The following KIN variants were observed in gnomAD, a reference collection of about 807,000 sequenced individuals.
KIN encodes DNA/RNA-binding protein KIN17.
A neutral mutation model predicts 63.0 loss-of-function variants in KIN; 47 were observed. That is an observed-to-expected ratio of 0.75 (90% confidence interval 0.59 to 0.95). The LOEUF is 0.95. Ranked by LOEUF, KIN falls within the 40% of genes least tolerant of loss-of-function variation. The pLI is 0.00. For missense variants in KIN, 408 were observed against 460.9 expected (o/e 0.89, Z 1.05); for synonymous variants, 160 against 157.7 (o/e 1.01, Z -0.11).
chr10:7,765,552 T>G (rs1042726716), intron 9 of KIN, among the ~76,000 whole-genome samples: 1 of 152,238 alleles, frequency 6.6e-6, no homozygotes, highest in African/African-American at 2.4e-5. Flanking sequence ...GTTTAAAAAC[T>G]ATTTTTAAAT....
chr10:7,755,940 C>CGACT lies in KIN; in HGVS notation c.*139_*140insAGTC. ...AAATTCTTCTCAAAGTTTAGCTGAA[C>CGACT]AACTATACAGTAATATTTTCAAAAA... On this transcript the variant is annotated 3_prime_UTR_variant, in exon 13 of 13. Coordinates refer to ENST00000379562, the MANE Select transcript of KIN (RefSeq NM_012311.4). The CGACT allele has an allele frequency of 2.0e-6, 1 of 501,040 alleles. No individual in the cohort carries two copies. 31.0% of individuals were successfully genotyped at this position (501,040 alleles called of 1,614,324 possible). A position where few individuals can be genotyped will look rare whatever the true frequency, so the allele number is the denominator to read the frequency against.
rs754863631 is a variant in KIN, at chr10:7,787,886, G to A, written c.48C>T (p.Ile16=). 1.2e-5 allele frequency: 19 copies of A among 1,614,106 alleles called. No individual in the cohort carries two copies. The South Asian group carries it at 1.8e-4, about 15-fold the overall frequency. Residue 16 remains isoleucine, a synonymous_variant, in exon 1 of 13, where the codon ATC becomes ATT. Transcript: ENST00000379562. ...FLTPKAIANR[I]KSKGLQKLRW... ...GTAGCTTCTGCAGCCCCTTGGACTT[G>A]ATCCTGTTGGCGATAGCCTTGGGAG...
chr10:7,783,281 T>C, intron 1 of KIN, 106 bp from the exon 2 acceptor site: 1 of 501,310 alleles, frequency 2.0e-6, no homozygotes, highest in Non-Finnish European at 3.4e-6. Flanking sequence ...GATGATAAAT[T>C]AAAATATAAT....
At chr10:7,760,208 T>A (rs1168876360) in intron 11 of KIN, among the ~76,000 whole-genome samples, 1 of 152,178 alleles carries the variant, frequency 6.6e-6, no homozygotes, top group Non-Finnish European at 1.5e-5. Flanking sequence ...TTTCCCCCAA[T>A]TATTTGTTAA....
In KIN at chr10:7,762,524, C is replaced by T; in HGVS notation, c.951G>A (p.Lys317=). The T allele has an allele frequency of 6.2e-7, 1 of 1,610,592 alleles. No homozygotes were observed. The highest frequency in any genetic ancestry group is 8.5e-7 in the Non-Finnish European group (1 of 1,177,704). Residue 317 remains lysine (K), a synonymous_variant, in exon 11 of 13, where the codon AAG becomes AAA. Transcript: ENST00000379562. The part of the protein sequence containing the change: ...EVIDKYTAVV[K]MIDSGDKLKL... ...TCAGCTTGTCTCCAGAATCAATCAT[C>T]TTCACAACAGCTGTATATTTGTCAA... is the stretch of plus-strand genomic sequence containing the variant.
chr10:7,787,546 C>T (rs568183659), intron 1 of KIN, among the ~76,000 whole-genome samples: 2 of 152,318 alleles, frequency 1.3e-5, no homozygotes, highest in East Asian at 3.9e-4. Context: ...GTGAGGGGTG[C>T]AAAACCTTTT....
intron 2 of KIN, among the ~76,000 whole-genome samples, chr10:7,782,136 T>C (rs1033558294): frequency 6.6e-6 from 1 of 152,178 alleles, no homozygotes; most frequent in East Asian, 1.9e-4. Flanking sequence ...TGTTGATACA[T>C]CTAACCCACA....
Position 7,760,094 on chromosome 10 carries a change from CA to C in KIN, c.1019-105del, listed in dbSNP as rs1835410874. The C allele has an allele frequency of 7.2e-6, 4 of 556,080 alleles. No homozygotes were observed. In the East Asian group the frequency reaches 1.3e-4, roughly 18 times the overall value. 34.4% of individuals were successfully genotyped at this position (556,080 alleles called of 1,614,324 possible). A position where few individuals can be genotyped will look rare whatever the true frequency, so the allele number is the denominator to read the frequency against. ...TACACTGAATAAACATAATAAAAAA[CA>C]AAACCCTTTTTCTTAGAAGTTCTCA... On this transcript the variant is annotated intron_variant, in intron 11 of 12. Transcript: ENST00000379562.
rs150015350 is a variant in KIN at position 7,751,159 on chromosome 10, C to T, written c.*4921G>A. The T allele has an allele frequency of 1.4e-4, 21 of 152,284 alleles. No homozygotes were observed. In the East Asian group the frequency reaches 3.5e-3, roughly 25 times the overall value. 9.4% of individuals were successfully genotyped at this position (152,284 alleles called of 1,614,324 possible). On this transcript the variant is annotated 3_prime_UTR_variant, in exon 13 of 13. Coordinates refer to ENST00000379562, the MANE Select transcript of KIN (RefSeq NM_012311.4). ...TGAACCAGTGTAATTCTGTGCTTTG[C>T]TGTGTTTACAACTTTCCTTAAAAAA...
At chr10:7,766,806 G>A (rs1004128919) in intron 8 of KIN, among the ~76,000 whole-genome samples, 1 of 151,964 alleles carries the variant, frequency 6.6e-6, no homozygotes, top group Non-Finnish European at 1.5e-5. Flanking sequence ...GGCGGATCAC[G>A]AGGTCAGGAG....
At chr10:7,762,424 C>T (rs1400596043) in intron 11 of KIN, 33 bp downstream of exon 11, 2 of 1,187,928 alleles carry the variant, frequency 1.7e-6, no homozygotes, top group Non-Finnish European at 2.5e-6. Flanking sequence ...ATTTTGATGG[C>T]ATATGTATTA....
intron 12 of KIN, among the ~76,000 whole-genome samples, chr10:7,757,896 G>C (rs1835362824): frequency 6.6e-6 from 1 of 152,050 alleles, no homozygotes. Context: ...TTAAAAATCT[G>C]CTTGATATAT....
In KIN at chr10:7,755,641, G is replaced by A. The variant is rs1218078071; in HGVS notation, c.*439C>T. On this transcript the variant is annotated 3_prime_UTR_variant, in exon 13 of 13. Coordinates refer to ENST00000379562, the MANE Select transcript of KIN (RefSeq NM_012311.4). ...TATATTTTAAATGAGTGAACTGTAT[G>A]GTATATGAATTATTACCACAATAAA... The A allele has an allele frequency of 6.6e-6, 1 of 152,434 alleles. No individual in the cohort carries two copies. The highest frequency in any genetic ancestry group is 1.5e-5 in the Non-Finnish European group (1 of 68,278). The allele number at this position is 152,434 out of a possible 1,614,324, so 9.4% of individuals were successfully genotyped here.
At chr10:7,774,162 T>C (rs1588480628) in intron 7 of KIN, among the ~76,000 whole-genome samples, 1 of 152,358 alleles carries the variant, frequency 6.6e-6, no homozygotes, top group Non-Finnish European at 1.5e-5. Context: ...ATTTACTATG[T>C]GGCTCTTTAC....
rs1835256828 is a variant in KIN, at chr10:7,752,297, A to C, written c.*3783T>G. On this transcript the variant is annotated 3_prime_UTR_variant, in exon 13 of 13. Transcript: ENST00000379562. ...AGACATCTCACCAGAGAAGATATAC[A>C]GGTGGCAAATAAGCCCATGAAAAGA... The C allele has an allele frequency of 6.6e-6, 1 of 152,254 alleles. No homozygotes were observed. Among genetic ancestry groups the C allele is most frequent in the African/African-American group, 2.4e-5 (1 of 41,470 alleles). The allele number at this position is 152,254 out of a possible 1,614,324, so 9.4% of individuals were successfully genotyped here. A position where few individuals can be genotyped will look rare whatever the true frequency, so the allele number is the denominator to read the frequency against.
In KIN at chr10:7,756,105, T is replaced by C. The variant is rs754780198; in HGVS notation, c.1157A>G (p.Tyr386Cys). 6.0e-5 allele frequency: 95 copies of C among 1,590,822 alleles called. No homozygotes were observed. The highest frequency in any genetic ancestry group is 7.8e-5 in the Non-Finnish European group (91 of 1,168,264). Residue 386 changes from tyrosine to cysteine, a missense_variant, in exon 13 of 13, where the codon TAT (tyrosine) becomes TGT (cysteine). Around this residue, in one of 2 missense-constraint regions of KIN, gnomAD observed 298 missense variants for 296.0 expected, o/e 1.01. Coordinates refer to ENST00000379562, the MANE Select transcript of KIN (RefSeq NM_012311.4). ...LKGRRVEGIQ[Y>C]EDISKLA Reference sequence around the variant, plus strand: ...TCAGGCAAGTTTAGAAATGTCTTCATATTGAATTCCTTCAACTCTGCGTCC... The same window carrying C: ...TCAGGCAAGTTTAGAAATGTCTTCACATTGAATTCCTTCAACTCTGCGTCC...
At chr10:7,767,854 G>A (rs1402050986) in intron 8 of KIN, among the ~76,000 whole-genome samples, 3 of 135,236 alleles carry the variant, frequency 2.2e-5, no homozygotes, top group African/African-American at 5.8e-5. Flanking sequence ...ACACAGAGCA[G>A]GACTCCGTCT....
rs748282216 is a variant in KIN, at chr10:7,787,988, G to A, written c.-55C>T. 9 of 1,437,366 alleles carry A rather than the reference G, an allele frequency of 6.3e-6. No homozygotes were observed. The highest frequency in any genetic ancestry group is 5.6e-5 in the African/African-American group (4 of 71,330). The allele number at this position is 1,437,366 out of a possible 1,614,324, so 89.0% of individuals were successfully genotyped here. On this transcript the variant is annotated 5_prime_UTR_variant, in exon 1 of 13. Transcript: ENST00000379562. The stretch of plus-strand genomic sequence containing the variant: ...CCCCAGTACTCAGCCAGCCGGAAAC[G>A]GAACCGGGCTGGCGGCGGTGGGCGG...
chr10:7,757,078 G>T (rs1313406234), intron 12 of KIN, among the ~76,000 whole-genome samples: 1 of 152,172 alleles, frequency 6.6e-6, no homozygotes, highest in Non-Finnish European at 1.5e-5. Context: ...TAATGGTAAT[G>T]TCTGTATGAT....
Sources: allele counts gnomAD v4.1 joint callset (sites outside exome capture counted in the v4.1 genomes callset), GRCh38; gene constraint gnomAD v4.1.1; regional missense constraint gnomAD v4.1.1; transcripts MANE v1.5; gene names NCBI Gene and HGNC (gene_info 2026-07-23, HGNC 2026-07-21).